ROR1: variants seen among roughly 807,000 people sequenced by gnomAD.
The protein encoded by ROR1 is inactive tyrosine-protein kinase transmembrane receptor ROR1.
In ROR1, 19 loss-of-function variants were observed where a neutral mutation model predicts 78.8. The observed-to-expected ratio is 0.24, with a 90% CI of 0.17 to 0.35. The LOEUF (loss-of-function observed/expected upper bound fraction) is 0.35, where lower values mean the gene tolerates loss of function less well. ROR1 is among the 10% of genes least tolerant of loss of function. The pLI, the probability that ROR1 is intolerant of heterozygous loss-of-function variation, is 1.00. For synonymous variants in ROR1, 386 were observed against 433.6 expected, an observed-to-expected ratio of 0.89 and a Z score of 1.36; for missense variants, 917 against 1,177.8, an observed-to-expected ratio of 0.78 and a Z score of 3.24.
At chr1:64,111,184 GA>G (rs1306544025) in intron 4 of ROR1, 2 of 152,114 alleles carry the variant, frequency 1.3e-5, no homozygotes, top group Non-Finnish European at 2.9e-5. Context: ...CCAGACTTAA[GA>G]AAGTGCATCA....
intron 1 of ROR1, among the ~76,000 whole-genome samples, chr1:63,831,595 AC>A (rs903927424): frequency 6.6e-6 from 1 of 151,972 alleles, no homozygotes; most frequent in Non-Finnish European, 1.5e-5. Flanking sequence ...TGCAGGAGGG[AC>A]CCCTGGCCCA....
chr1:63,943,371 C>G (rs1645857061), intron 1 of ROR1, among the ~76,000 whole-genome samples: 1 of 152,170 alleles, frequency 6.6e-6, no homozygotes, highest in Non-Finnish European at 1.5e-5. Context: ...GACACCCAAA[C>G]TCAAATTACC....
At chr1:63,939,050 C>T (rs1017742109) in intron 1 of ROR1, among the ~76,000 whole-genome samples, 1 of 152,106 alleles carries the variant, frequency 6.6e-6, no homozygotes. Flanking sequence ...GAGCAAATTT[C>T]TGCTTTAAAT....
intron 7 of ROR1, 78 bp from the exon 8 acceptor site, chr1:64,158,903 T>TTTTAAACTA (rs1649852064): frequency 9.0e-7 from 1 of 1,109,654 alleles, no homozygotes; most frequent in East Asian, 2.4e-5. Context: ...AGGTGGTTCA[T>TTTTAAACTA]TTTAAACTAT....
intron 1 of ROR1, among the ~76,000 whole-genome samples, chr1:63,917,724 G>A (rs975025737): frequency 2.0e-5 from 3 of 152,188 alleles, no homozygotes; most frequent in African/African-American, 7.2e-5. Context: ...AGACCACGTG[G>A]GGAGAGCCCT....
intron 1 of ROR1, among the ~76,000 whole-genome samples, chr1:63,810,908 AAAGAC>A (rs1314680398): frequency 6.6e-6 from 1 of 152,178 alleles, no homozygotes; most frequent in Non-Finnish European, 1.5e-5. Flanking sequence ...AACGGTAAAG[AAAGAC>A]ATGCTTGTCA....
chr1:63,812,788 C>G (rs1017157599), intron 1 of ROR1, among the ~76,000 whole-genome samples: 1 of 152,030 alleles, frequency 6.6e-6, no homozygotes, highest in East Asian at 1.9e-4. Flanking sequence ...ATTTTTATTA[C>G]CTCTTTTAGT....
At chr1:63,934,259 C>T (rs548684446) in intron 1 of ROR1, among the ~76,000 whole-genome samples, 1 of 152,132 alleles carries the variant, frequency 6.6e-6, no homozygotes, top group Non-Finnish European at 1.5e-5. Flanking sequence ...GGGCCTGGCT[C>T]TGAGCTAGAC....
At chr1:63,818,721 A>G (rs1229590131) in intron 1 of ROR1, among the ~76,000 whole-genome samples, 2 of 152,214 alleles carry the variant, frequency 1.3e-5, no homozygotes, top group African/African-American at 2.4e-5. Context: ...AATAATTATA[A>G]TGAGGCTGAT....
chr1:64,051,498 A>T (rs935681953), intron 4 of ROR1, among the ~76,000 whole-genome samples: 4 of 151,470 alleles, frequency 2.6e-5, no homozygotes, highest in East Asian at 3.9e-4. Flanking sequence ...AAAATAAAAT[A>T]AAAAAGCTGA....
chr1:64,084,538 C>T (rs920759264), intron 4 of ROR1, among the ~76,000 whole-genome samples: 6 of 152,144 alleles, frequency 3.9e-5, no homozygotes, highest in African/African-American at 1.4e-4. Flanking sequence ...AGGGCAGTAG[C>T]CTGAAAGGAG....
intron 5 of ROR1, among the ~76,000 whole-genome samples, chr1:64,139,518 G>A (rs959065866): frequency 4.6e-5 from 7 of 152,148 alleles, no homozygotes; most frequent in Non-Finnish European, 2.9e-5. Context: ...ATTAAGCTAA[G>A]GAACCACTAA....
intron 1 of ROR1, among the ~76,000 whole-genome samples, chr1:63,787,287 C>A (rs1159848205): frequency 6.6e-6 from 1 of 152,216 alleles, no homozygotes; most frequent in Non-Finnish European, 1.5e-5. Context: ...CCGTCTAAAT[C>A]ACACCTGCTT....
chr1:63,815,434 A>C (rs1380955322), intron 1 of ROR1, among the ~76,000 whole-genome samples: 3 of 142,716 alleles, frequency 2.1e-5, no homozygotes, highest in African/African-American at 8.3e-5. Context: ...GCCCTTATAT[A>C]TCCAGGACTG....
intron 4 of ROR1, among the ~76,000 whole-genome samples, chr1:64,050,942 G>A (rs951390972): frequency 6.6e-6 from 1 of 152,016 alleles, no homozygotes; most frequent in African/African-American, 2.4e-5. Context: ...AATGATCAAA[G>A]CAAAAATCTT....
intron 4 of ROR1, among the ~76,000 whole-genome samples, chr1:64,131,676 G>A (rs1254522377): frequency 1.3e-5 from 2 of 152,156 alleles, no homozygotes; most frequent in African/African-American, 2.4e-5. Flanking sequence ...GTGCAGTGAT[G>A]TGATCATGGC....
At chr1:64,094,109 T>C (rs1647235176) in intron 4 of ROR1, among the ~76,000 whole-genome samples, 3 of 152,174 alleles carry the variant, frequency 2.0e-5, no homozygotes, top group Non-Finnish European at 4.4e-5. Context: ...TTAACATAAG[T>C]TTGACTCAAA....
In ROR1 at chr1:63,785,828, C is replaced by T. The variant is rs566963422; in HGVS notation, c.91+11320C>T. On this transcript the variant is annotated intron_variant, in intron 1 of 8. Transcript: ENST00000371079. ...GGCGTAAGCCACCGCGCCCGGCCTA[C>T]GCAGCAACAATTTTCGATGATGTTC... 1.1e-3 allele frequency among the ~76,000 whole-genome samples: 166 copies of T among 152,124 alleles called. 1 individual carries two copies. Among genetic ancestry groups the T allele is most frequent in the Admixed American group, 1.8e-3 (28 of 15,286 alleles).
intron 1 of ROR1, among the ~76,000 whole-genome samples, chr1:63,791,450 C>T (rs1644726261): frequency 6.6e-6 from 1 of 152,092 alleles, no homozygotes; most frequent in Admixed American, 6.6e-5. Context: ...TTTATTTGGA[C>T]AAATGAGTTC....
Sources: gnomAD v4.1 joint callset for allele counts (sites outside exome capture counted in the v4.1 genomes callset) on GRCh38, gnomAD v4.1.1 for gene constraint, MANE v1.5 for transcripts, NCBI Gene and HGNC (gene_info 2026-07-23, HGNC 2026-07-21) for gene names.